Variants in VPS54 observed in about 807,000 individuals in gnomAD.
VPS54 encodes the protein vacuolar protein sorting-associated protein 54.
Under a neutral mutation model 121.5 loss-of-function variants are expected in VPS54, and 45 were observed. That is an observed-to-expected ratio of 0.37 (90% CI 0.29 to 0.47). The LOEUF is 0.47. Ranked by LOEUF, VPS54 falls within the 20% of genes least tolerant of loss-of-function variation. The pLI, the probability that VPS54 is intolerant of heterozygous loss-of-function variation, is 0.99. For missense variants in VPS54, 1,090 were observed against 1,131.4 expected (o/e 0.96, Z 0.52); for synonymous variants, 371 against 385.8 (o/e 0.96, Z 0.45).
intron 20 of VPS54, among the ~76,000 whole-genome samples, chr2:63,905,199 AAC>A (rs1236446904): frequency 2.6e-5 from 4 of 152,160 alleles, no homozygotes; most frequent in African/African-American, 9.6e-5. Context: ...GAAAATAAAT[AAC>A]ACAGACTGGA....
chr2:63,937,889 A>G (rs1674522777), intron 11 of VPS54, among the ~76,000 whole-genome samples: 1 of 152,196 alleles, frequency 6.6e-6, no homozygotes, highest in Non-Finnish European at 1.5e-5. Context: ...GCTACATTAA[A>G]TAAGCCAGTC....
chr2:63,954,839 C>T (rs959652921), intron 7 of VPS54, among the ~76,000 whole-genome samples: 2 of 151,902 alleles, frequency 1.3e-5, no homozygotes, highest in African/African-American at 4.8e-5. Flanking sequence ...ATGGGAAGCA[C>T]TATAAGACAA....
chr2:63,911,540 A>G (rs1330606212), intron 20 of VPS54, among the ~76,000 whole-genome samples: 2 of 152,142 alleles, frequency 1.3e-5, no homozygotes, highest in Non-Finnish European at 2.9e-5. Context: ...GGATTTTTAG[A>G]TGACTTGTGA....
At chr2:63,895,495 G>T (rs1019105166) in intron 22 of VPS54, among the ~76,000 whole-genome samples, 20 of 152,252 alleles carry the variant, frequency 1.3e-4, no homozygotes, top group African/African-American at 3.6e-4. Flanking sequence ...GGGAGAAATA[G>T]GAAGCAGCTG....
chr2:63,975,708 C>G (rs1676493046), intron 3 of VPS54: 1 of 152,248 alleles, frequency 6.6e-6, no homozygotes, highest in Non-Finnish European at 1.5e-5. Flanking sequence ...TCCTTAAAAA[C>G]TCTGATCCTC....
chr2:63,944,610 C>T lies in VPS54; in HGVS notation c.1291G>A (p.Val431Ile). 1.9e-6 allele frequency: 3 copies of T among 1,610,250 alleles called. No individual in the cohort carries two copies. Among genetic ancestry groups the T allele is most frequent in the Non-Finnish European group, 1.7e-6 (2 of 1,178,334 alleles). ...VSQTEEIDTD[V>I]VVKLADQMRM... ...TATATTTATACTTACTTCACAACAA[C>T]ATCTGTGTCTATTTCTTCTGTTTGT... The change falls in exon 10 of 23, where the codon GTT (valine) becomes ATT (isoleucine). Residue 431 changes from valine to isoleucine, a missense_variant. Around this residue, in one of 2 missense-constraint regions of VPS54, gnomAD observed 801 missense variants for 757.0 expected, o/e 1.06. Transcript: ENST00000272322.
intron 21 of VPS54, among the ~76,000 whole-genome samples, chr2:63,898,572 A>G (rs1672540057): frequency 6.6e-6 from 1 of 152,186 alleles, no homozygotes; most frequent in Admixed American, 6.6e-5. Context: ...ACAGTAGGCA[A>G]GAGACACTAA....
intron 17 of VPS54, 178 bp downstream of exon 17, chr2:63,914,004 G>A: frequency 8.6e-7 from 1 of 1,160,544 alleles, no homozygotes; most frequent in Non-Finnish European, 1.2e-6. Flanking sequence ...TGTGGAGTAA[G>A]AAGGAAGCAG....
chr2:63,938,922 T>C (rs1462583134), intron 11 of VPS54, among the ~76,000 whole-genome samples: 1 of 152,024 alleles, frequency 6.6e-6, no homozygotes, highest in Non-Finnish European at 1.5e-5. Flanking sequence ...ATTTTTACCA[T>C]GACCAAAAAG....
intron 1 of VPS54, among the ~76,000 whole-genome samples, chr2:64,011,707 T>TA (rs1325920601): frequency 6.6e-6 from 1 of 152,202 alleles, no homozygotes; most frequent in Non-Finnish European, 1.5e-5. Context: ...GGGCCACTGA[T>TA]ACGATTGTAT....
At chr2:64,009,492 T>A (rs1329096179) in intron 1 of VPS54, among the ~76,000 whole-genome samples, 1 of 152,032 alleles carries the variant, frequency 6.6e-6, no homozygotes, top group African/African-American at 2.4e-5. Flanking sequence ...ATCTTTGTAT[T>A]TTTAGTATAG....
At position 63,916,952 on chromosome 2, in the gene VPS54, T is replaced by C. The variant is rs1673406610; in HGVS notation, c.2176A>G (p.Arg726Gly). 3 of 1,613,620 alleles carry C rather than the reference T, an allele frequency of 1.9e-6. No individual in the cohort carries two copies. Among genetic ancestry groups the C allele is most frequent in the Middle Eastern group, 1.7e-4 (1 of 6,060 alleles). Residue 726 changes from arginine to glycine, a missense_variant, in exon 16 of 23, where the codon AGG becomes GGG. Transcript: ENST00000272322. ...ACAATAAGAACTTCAGCTGGTTTCCTTTCTTCTGTGGCTACAGAGTTAAGC... is the reference window on the plus strand; with the variant it reads ...ACAATAAGAACTTCAGCTGGTTTCCCTTCTTCTGTGGCTACAGAGTTAAGC... ...PEKKSGATEE[R>G]KPAEVLIVEG...
intron 3 of VPS54, among the ~76,000 whole-genome samples, chr2:63,975,939 T>C (rs1404827477): frequency 6.6e-6 from 1 of 152,166 alleles, no homozygotes; most frequent in African/African-American, 2.4e-5. Flanking sequence ...AGAGATGAGT[T>C]TCACCACGTT....
intron 1 of VPS54, among the ~76,000 whole-genome samples, chr2:63,997,455 C>G (rs1186714278): frequency 6.6e-6 from 1 of 152,058 alleles, no homozygotes; most frequent in East Asian, 1.9e-4. Context: ...GGAATTTATC[C>G]ATTTCTTCTA....
intron 1 of VPS54, among the ~76,000 whole-genome samples, chr2:63,989,495 G>A (rs959865503): frequency 6.6e-6 from 1 of 152,058 alleles, no homozygotes; most frequent in Non-Finnish European, 1.5e-5. Context: ...TGACACTTAG[G>A]GAAAATAGAA....
chr2:63,984,055 C>T, intron 1 of VPS54, 36 bp from the exon 2 acceptor site: 1 of 1,497,680 alleles, frequency 6.7e-7, no homozygotes, highest in Non-Finnish European at 9.0e-7. Flanking sequence ...TAAGACACCG[C>T]AAATCAAAAT....
At chr2:64,006,872 G>A (rs1188411030) in intron 1 of VPS54, among the ~76,000 whole-genome samples, 1 of 152,196 alleles carries the variant, frequency 6.6e-6, no homozygotes, top group Non-Finnish European at 1.5e-5. Context: ...ACCCGCCTTG[G>A]CCTCCCAAAG....
At chr2:63,985,546 G>C (rs992234489) in intron 1 of VPS54, among the ~76,000 whole-genome samples, 1 of 152,086 alleles carries the variant, frequency 6.6e-6, no homozygotes, top group African/African-American at 2.4e-5. Flanking sequence ...TCCTCAAGGT[G>C]CTTAAACAGA....
At chr2:63,995,959 C>A (rs1677564419) in intron 1 of VPS54, among the ~76,000 whole-genome samples, 1 of 152,206 alleles carries the variant, frequency 6.6e-6, no homozygotes, top group Non-Finnish European at 1.5e-5. Flanking sequence ...GACTAAACCC[C>A]ACAACTTGGA....
Sources: allele counts gnomAD v4.1 joint callset (sites outside exome capture counted in the v4.1 genomes callset), GRCh38; gene constraint gnomAD v4.1.1; regional missense constraint gnomAD v4.1.1; transcripts MANE v1.5; gene names NCBI Gene and HGNC (gene_info 2026-07-23, HGNC 2026-07-21).